MEIS1: variants seen among roughly 807,000 people sequenced by gnomAD.
The protein encoded by MEIS1 is homeobox protein Meis1.
In MEIS1, 5 loss-of-function variants were observed where a neutral mutation model predicts 50.8. The ratio of observed to expected loss-of-function variants is 0.10; its 90% CI spans 0.05 to 0.21. The LOEUF (loss-of-function observed/expected upper bound fraction) is 0.21. Among genes scored for constraint, MEIS1 ranks in the 10% least tolerant of loss-of-function variants. MEIS1 has a pLI of 1.00. For synonymous variants in MEIS1, 176 were observed against 179.3 expected, an observed-to-expected ratio of 0.98 and a Z score of 0.15; for missense variants, 318 against 517.3, an observed-to-expected ratio of 0.61 and a Z score of 3.74.
intron 8 of MEIS1, among the ~76,000 whole-genome samples, chr2:66,544,262 AT>A (rs199725551): frequency 1.6e-3 from 249 of 150,994 alleles, no homozygotes; most frequent in Non-Finnish European, 2.1e-3. Flanking sequence ...TTGTCAAGTC[AT>A]TTTTTTTTAA....
rs769670616 is a variant in MEIS1 at position 66,568,722 on chromosome 2, G to T, written c.1080G>T (p.Met360Ile). ...PDGQPMGGFVMDGQQHMGIRA... is the reference protein window; with the variant it reads ...PDGQPMGGFVIDGQQHMGIRA... ...GACAGCCCATGGGAGGTTTCGTAAT[G>T]GACGGTCAGCAACATATGGGAATTA... Residue 360 changes from methionine (M) to isoleucine (I), a missense_variant, in exon 11 of 13, where the codon ATG becomes ATT. By Grantham distance (10) the Met-to-Ile change is conservative. Transcript: ENST00000272369. 2 of 1,613,794 alleles carry T rather than the reference G, an allele frequency of 1.2e-6. No homozygotes were observed. The highest frequency in any genetic ancestry group is 2.2e-5 in the South Asian group (2 of 91,074).
intron 7 of MEIS1, among the ~76,000 whole-genome samples, chr2:66,474,278 A>G (rs1340334663): frequency 8.5e-5 from 13 of 152,302 alleles, no homozygotes; most frequent in Admixed American, 6.5e-4. Context: ...TGCCAGGAGC[A>G]GCATCTGAGG....
At chr2:66,491,354 C>A (rs1007575918) in intron 7 of MEIS1, among the ~76,000 whole-genome samples, 9 of 152,224 alleles carry the variant, frequency 5.9e-5, no homozygotes, top group African/African-American at 1.9e-4. Context: ...TCTGCCCTTT[C>A]AATTGCAGGT....
At chr2:66,480,828 C>T (rs984724627) in intron 7 of MEIS1, among the ~76,000 whole-genome samples, 4 of 152,114 alleles carry the variant, frequency 2.6e-5, no homozygotes, top group Non-Finnish European at 5.9e-5. Flanking sequence ...TTGCTGACTT[C>T]TACTTTCCTA....
chr2:66,440,666 T>A, intron 4 of MEIS1, 54 bp downstream of exon 4: 1 of 940,620 alleles, frequency 1.1e-6, no homozygotes, highest in Non-Finnish European at 1.4e-6. Flanking sequence ...ACCTCCCACC[T>A]CCAACGCCCT....
intron 12 of MEIS1, chr2:66,571,031 A>G: frequency 1.9e-6 from 1 of 539,484 alleles, no homozygotes; most frequent in Non-Finnish European, 3.2e-6. Flanking sequence ...ACCTGATAAC[A>G]GTGACAATGA....
chr2:66,456,991 CACGTGTGCACAGT>C (rs1439236086), intron 6 of MEIS1, among the ~76,000 whole-genome samples: 1 of 152,072 alleles, frequency 6.6e-6, no homozygotes, highest in African/African-American at 2.4e-5. Flanking sequence ...GAATCCACAG[CACGTGTGCACAGT>C]GAAATATTCA....
chr2:66,521,259 C>T (rs948948570), intron 8 of MEIS1, among the ~76,000 whole-genome samples: 5 of 152,212 alleles, frequency 3.3e-5, no homozygotes, highest in African/African-American at 4.8e-5. Flanking sequence ...CTACCCATGT[C>T]TGTTACCAAC....
rs771497453 is a variant in MEIS1, at chr2:66,439,951, A to T, written c.348A>T (p.Ser116=). The T allele has an allele frequency of 1.2e-6, 2 of 1,613,042 alleles. No individual in the cohort carries two copies. The highest frequency in any genetic ancestry group is 1.7e-6 in the Non-Finnish European group (2 of 1,179,508). Residue 116 remains serine, a synonymous_variant, in exon 3 of 13, where the codon TCA becomes TCT. Transcript: ENST00000272369. ...GCGGGGACGTCTGCTCGTCAGAGTC[A>T]TTCAATGAAGATATAGCCGTGTTCG... ...VAGGDVCSSE[S]FNEDIAVFAK... is the part of the protein sequence containing the mutation.
intron 8 of MEIS1, 43 bp downstream of exon 8, chr2:66,512,337 A>G: frequency 6.4e-7 from 1 of 1,564,770 alleles, no homozygotes; most frequent in Non-Finnish European, 8.6e-7. Context: ...AATATGGACA[A>G]TGAACCAGTT....
rs1354009080 is a variant in MEIS1 at position 66,566,826 on chromosome 2, A to G, written c.966-627A>G. 1.4e-4 allele frequency among the ~76,000 whole-genome samples: 16 copies of G among 110,522 alleles called. No individual in the cohort carries two copies. The East Asian group carries it at 4.0e-3, about 28-fold the overall frequency. The allele number at this position is 110,522 out of a possible 152,430, so 72.5% of individuals were successfully genotyped here. On this transcript the variant is annotated intron_variant, in intron 9 of 12. Coordinates refer to ENST00000272369, the MANE Select transcript of MEIS1 (RefSeq NM_002398.3). ...CATAAAGAGCAAAAAAAAAAAAAACAACAACAACAAAAAAAGCCACCCCAA... is the reference window on the plus strand; with the variant it reads ...CATAAAGAGCAAAAAAAAAAAAAACGACAACAACAAAAAAAGCCACCCCAA...
chr2:66,501,852 A>G (rs1283102040), intron 7 of MEIS1, among the ~76,000 whole-genome samples: 5 of 152,146 alleles, frequency 3.3e-5, no homozygotes, highest in Admixed American at 6.5e-5. Flanking sequence ...CATCCAATGC[A>G]CATTCACATT....
Position 66,573,525 on chromosome 2 carries a change from A to T in MEIS1, c.*2317A>T, listed in dbSNP as rs1038992023. On this transcript the variant is annotated 3_prime_UTR_variant, in exon 13 of 13. Coordinates refer to ENST00000272369, the MANE Select transcript of MEIS1 (RefSeq NM_002398.3). ...TTAGCAATTCTATTTTCTATTCGAA[A>T]AGAGAAACCAGCTGTGGGTTGGCTT... 6.6e-6 allele frequency: 1 copy of T among 152,232 alleles called. No individual in the cohort carries two copies. The highest frequency in any genetic ancestry group is 1.5e-5 in the Non-Finnish European group (1 of 68,048). 9.4% of individuals were successfully genotyped at this position (152,232 alleles called of 1,614,324 possible).
chr2:66,480,680 A>C (rs1672995622), intron 7 of MEIS1, among the ~76,000 whole-genome samples: 1 of 152,240 alleles, frequency 6.6e-6, no homozygotes, highest in African/African-American at 2.4e-5. Context: ...TAAAACCATC[A>C]GAAAGTCATA....
At chr2:66,511,872 A>T (rs1317030869) in intron 7 of MEIS1, among the ~76,000 whole-genome samples, 1 of 152,192 alleles carries the variant, frequency 6.6e-6, no homozygotes, top group Non-Finnish European at 1.5e-5. Flanking sequence ...AATAATTACC[A>T]TAGCAACAAA....
chr2:66,485,059 C>T lies in MEIS1; in HGVS notation c.742+20839C>T, dbSNP rs185627201. Among the ~76,000 whole-genome samples the T allele has an allele frequency of 3.3e-3, 495 of 151,804 alleles. 4 individuals are homozygous for T. Among genetic ancestry groups the T allele is most frequent in the African/African-American group, 0.011 (473 of 41,268 alleles). On this transcript the variant is annotated intron_variant, in intron 7 of 12. Coordinates refer to ENST00000272369, the MANE Select transcript of MEIS1 (RefSeq NM_002398.3). ...AGATGATTTTTTTGTTGTTGTTTAA[C>T]CATTTTTTCTTTATTGTTGGCTTAT... is the stretch of plus-strand genomic sequence containing the variant.
At chr2:66,543,474 A>G (rs1471664083) in intron 8 of MEIS1, among the ~76,000 whole-genome samples, 1 of 152,170 alleles carries the variant, frequency 6.6e-6, no homozygotes, top group Non-Finnish European at 1.5e-5. Context: ...CAAGCCACTT[A>G]GTTTCCCTTT....
At chr2:66,529,395 A>T (rs1674335075) in intron 8 of MEIS1, among the ~76,000 whole-genome samples, 1 of 152,228 alleles carries the variant, frequency 6.6e-6, no homozygotes, top group African/African-American at 2.4e-5. Context: ...TACAGGGGTT[A>T]GGATATCATC....
At chr2:66,476,661 G>C (rs369992430) in intron 7 of MEIS1, among the ~76,000 whole-genome samples, 1 of 152,164 alleles carries the variant, frequency 6.6e-6, no homozygotes, top group African/African-American at 2.4e-5. Context: ...CATCGGATGG[G>C]CCTCTCTCTA....
Sources: gnomAD v4.1 joint callset for allele counts (sites outside exome capture counted in the v4.1 genomes callset) on GRCh38, gnomAD v4.1.1 for gene constraint, MANE v1.5 for transcripts, NCBI Gene and HGNC (gene_info 2026-07-23, HGNC 2026-07-21) for gene names.